The following PFKFB2 variants were observed in gnomAD, a reference collection of about 807,000 sequenced individuals.
The protein encoded by PFKFB2 is 6-phosphofructo-2-kinase/fructose-2,6-bisphosphatase 2.
PFKFB2 carries 53 observed loss-of-function variants against 68.0 expected under a neutral mutation model. The ratio of observed to expected loss-of-function variants is 0.78; its 90% confidence interval spans 0.63 to 0.98. The LOEUF (loss-of-function observed/expected upper bound fraction) is 0.98, where lower values mean the gene tolerates loss of function less well. Among genes scored for constraint, PFKFB2 ranks in the 50% least tolerant of loss-of-function variants. The pLI, the probability that PFKFB2 is intolerant of heterozygous loss-of-function variation, is 0.00. For missense variants in PFKFB2, 451 were observed against 642.0 expected (o/e 0.70, Z 3.22); for synonymous variants, 222 against 227.6 (o/e 0.98, Z 0.22).
chr1:207,066,239 T>A (rs1338653584), intron 8 of PFKFB2, among the ~76,000 whole-genome samples: 1 of 152,186 alleles, frequency 6.6e-6, no homozygotes, highest in Admixed American at 6.5e-5. Context: ...AAACCAAGTC[T>A]ATGTTGAAGA....
rs577217973 is a variant in PFKFB2, at chr1:207,075,271, C to T, written c.*2900C>T. ...CTCACCTGTGCTAGTTCGCTTTCTC[C>T]AGAAGAGGAGCTGAGGTGGTCTTAT... On this transcript the variant is annotated 3_prime_UTR_variant, in exon 15 of 15. Coordinates refer to ENST00000367080, the MANE Select transcript of PFKFB2 (RefSeq NM_006212.2). 7 of 985,440 alleles carry T rather than the reference C, an allele frequency of 7.1e-6. No homozygotes were observed. In the Admixed American group the frequency reaches 1.8e-4, roughly 26 times the overall value. The allele number at this position is 985,440 out of a possible 1,614,324, so 61.0% of individuals were successfully genotyped here. A position where few individuals can be genotyped will look rare whatever the true frequency, so the allele number is the denominator to read the frequency against.
rs368003149 is a variant in PFKFB2, at chr1:207,043,128, A to C, written c.-18+916A>C. Among the ~76,000 whole-genome samples, 20 of 152,230 alleles carry C rather than the reference A, an allele frequency of 1.3e-4. No individual in the cohort carries two copies. The East Asian group carries it at 2.5e-3, about 19-fold the overall frequency. On this transcript the variant is annotated intron_variant, in intron 2 of 5. Transcript: ENST00000545806. ...GTCCTTCTGAGCACTTGCATTTCTA[A>C]CAAGTTCCCAGGTAATGTGATGACC...
In PFKFB2 at chr1:207,076,029, C is replaced by T; in HGVS notation, c.*3658C>T. The stretch of plus-strand genomic sequence containing the variant: ...CTAGGGATCTGCCCTATATCTTTGC[C>T]TCTGGTGTTTCGTTGTTGTTGTTAT... On this transcript the variant is annotated 3_prime_UTR_variant, in exon 15 of 15. Coordinates refer to ENST00000367080, the MANE Select transcript of PFKFB2 (RefSeq NM_006212.2). The T allele has an allele frequency of 1.0e-6, 1 of 985,322 alleles. No individual in the cohort carries two copies. The highest frequency in any genetic ancestry group is 1.2e-6 in the Non-Finnish European group (1 of 829,918). The allele number at this position is 985,322 out of a possible 1,614,324, so 61.0% of individuals were successfully genotyped here. A position where few individuals can be genotyped will look rare whatever the true frequency, so the allele number is the denominator to read the frequency against.
intron 2 of PFKFB2, among the ~76,000 whole-genome samples, chr1:207,058,509 A>G (rs930641015): frequency 1.3e-5 from 2 of 152,230 alleles, no homozygotes; most frequent in Non-Finnish European, 2.9e-5. Flanking sequence ...TTGACTGTCT[A>G]TTGTGGGACC....
At chr1:207,055,444 C>T (rs772666567) in intron 2 of PFKFB2, among the ~76,000 whole-genome samples, 6 of 152,034 alleles carry the variant, frequency 3.9e-5, no homozygotes, top group Non-Finnish European at 7.4e-5. Context: ...GGAGGGTTTG[C>T]GAGGAGATGA....
At chr1:207,050,056 T>A (rs1441910404), upstream of PFKFB2, among the ~76,000 whole-genome samples, 1 of 152,116 alleles carries the variant, frequency 6.6e-6, no homozygotes, top group African/African-American at 2.4e-5. Context: ...CACTACAGAG[T>A]AGGCCGCTAG....
At chr1:207,050,585 C>T, upstream of PFKFB2, 1 of 1,512,190 alleles carries the variant, frequency 6.6e-7, no homozygotes, top group South Asian at 1.2e-5. Context: ...TCAAAGCCCC[C>T]CCGCCGACTC....
Position 207,072,273 on chromosome 1 carries a change from A to G in PFKFB2, c.1420A>G (p.Asn474Asp). Residue 474 changes from asparagine to aspartate, a missense_variant, in exon 15 of 15, where the codon AAT becomes GAT. Physicochemically the swap from Asn to Asp is conservative, Grantham distance 23 (BLOSUM62 1). Transcript: ENST00000367080. The stretch of plus-strand genomic sequence containing the variant: ...CAGCTTTACGCCTCTGTCCAGTTCG[A>G]ATACAATAAGGCGTCCAAGAAATTA... Reference protein sequence around the residue: ...RNSFTPLSSSNTIRRPRNYSV... With the variant: ...RNSFTPLSSSDTIRRPRNYSV... 1.2e-6 allele frequency: 2 copies of G among 1,614,226 alleles called. No individual in the cohort carries two copies. Among genetic ancestry groups the G allele is most frequent in the Non-Finnish European group, 1.7e-6 (2 of 1,180,048 alleles).
At position 207,074,753 on chromosome 1, in the gene PFKFB2, G is replaced by T; in HGVS notation, c.*2382G>T. 1.0e-6 allele frequency: 1 copy of T among 985,434 alleles called. No individual in the cohort carries two copies. Among genetic ancestry groups the T allele is most frequent in the Non-Finnish European group, 1.2e-6 (1 of 829,934 alleles). 61.0% of individuals were successfully genotyped at this position (985,434 alleles called of 1,614,324 possible). On this transcript the variant is annotated 3_prime_UTR_variant, in exon 15 of 15. Coordinates refer to ENST00000367080, the MANE Select transcript of PFKFB2 (RefSeq NM_006212.2). ...AGAAAAGGTCCTTGTCCAGAGGAAG[G>T]TTATTTTAAGAGACAGGACATGTAA...
intron 1 of PFKFB2, among the ~76,000 whole-genome samples, chr1:207,035,670 C>CAAACAAAAA (rs1241785834): frequency 2.0e-5 from 3 of 148,844 alleles, no homozygotes; most frequent in Non-Finnish European, 4.4e-5. Flanking sequence ...AACAAACAAA[C>CAAACAAAAA]AAACAAAAAA....
rs1316786175 is a variant in PFKFB2 at position 207,060,966 on chromosome 1, A to ATATCTATATATCTATATATC, written c.86-983_86-964dup. On this transcript the variant is annotated intron_variant, in intron 2 of 14. Coordinates refer to ENST00000367080, the MANE Select transcript of PFKFB2 (RefSeq NM_006212.2). The stretch of plus-strand genomic sequence containing the variant: ...CCACATCTGGCTAAGTTAAATATAT[A>ATATCTATATATCTATATATC]TATCTATATATCTATATATCTATAT... 57 of 131,892 alleles carry ATATCTATATATCTATATATC rather than the reference A, an allele frequency of 4.3e-4. 2 individuals carry two copies. The highest frequency in any genetic ancestry group is 1.8e-3 in the African/African-American group (54 of 29,352). The allele number at this position is 131,892 out of a possible 1,614,324, so 8.2% of individuals were successfully genotyped here. A position where few individuals can be genotyped will look rare whatever the true frequency, so the allele number is the denominator to read the frequency against.
chr1:207,048,880 C>T (rs1682662506), upstream of PFKFB2: 1 of 764,382 alleles, frequency 1.3e-6, no homozygotes, highest in Middle Eastern at 3.8e-4. Flanking sequence ...CAAGGAATTT[C>T]AGTGTCTTAG....
intron 1 of PFKFB2, chr1:207,035,191 T>C: frequency 1.0e-6 from 1 of 985,590 alleles, no homozygotes; most frequent in Non-Finnish European, 1.2e-6. Flanking sequence ...TTCTCCATTC[T>C]TGCATGCTGT....
At chr1:207,044,296 A>T (rs541755486) in intron 2 of PFKFB2, 4 of 152,622 alleles carry the variant, frequency 2.6e-5, no homozygotes, top group Non-Finnish European at 5.9e-5. Flanking sequence ...CTGAATTCAA[A>T]TTTTTTTCAA....
At chr1:207,058,619 C>A (rs977893788) in intron 2 of PFKFB2, among the ~76,000 whole-genome samples, 2 of 151,924 alleles carry the variant, frequency 1.3e-5, no homozygotes, top group Admixed American at 6.6e-5. Context: ...TTTTAAAATA[C>A]ATTTATTTAT....
Position 207,076,837 on chromosome 1 carries a change from G to T in PFKFB2, c.*4466G>T, listed in dbSNP as rs1219904583. ...TGGGTGTTGCCTGACTAACGGTCTA[G>T]GGTCTGTAAGCTGACAGTCTGCCTG... On this transcript the variant is annotated 3_prime_UTR_variant, in exon 15 of 15. Coordinates refer to ENST00000367080, the MANE Select transcript of PFKFB2 (RefSeq NM_006212.2). 33 of 985,266 alleles carry T rather than the reference G, an allele frequency of 3.3e-5. No homozygotes were observed. The highest frequency in any genetic ancestry group is 4.7e-5 in the South Asian group (1 of 21,294). 61.0% of individuals were successfully genotyped at this position (985,266 alleles called of 1,614,324 possible).
At chr1:207,049,224 A>G (rs780882851), upstream of PFKFB2, 18 of 1,614,138 alleles carry the variant, frequency 1.1e-5, no homozygotes, top group Non-Finnish European at 1.5e-5. Flanking sequence ...TGGTCAGAGG[A>G]GGTGTATCTG....
intron 2 of PFKFB2, among the ~76,000 whole-genome samples, chr1:207,059,991 C>T (rs1479909678): frequency 6.6e-6 from 1 of 152,090 alleles, no homozygotes; most frequent in East Asian, 1.9e-4. Context: ...CTTCCTTTTT[C>T]CCCCATCCTG....
At chr1:207,058,696 T>C (rs1266529829) in intron 2 of PFKFB2, among the ~76,000 whole-genome samples, 1 of 152,222 alleles carries the variant, frequency 6.6e-6, no homozygotes, top group Non-Finnish European at 1.5e-5. Flanking sequence ...TGTTTCACCA[T>C]GTTGCCAAGG....
Sources: gnomAD v4.1 joint callset for allele counts (sites outside exome capture counted in the v4.1 genomes callset) on GRCh38, gnomAD v4.1.1 for gene constraint, MANE v1.5 for transcripts, NCBI Gene and HGNC (gene_info 2026-07-23, HGNC 2026-07-21) for gene names.